The following TENM2 variants were observed in gnomAD, a reference collection of about 807,000 sequenced individuals.
TENM2 encodes teneurin-2.
A neutral mutation model predicts 245.2 loss-of-function variants in TENM2; 52 were observed. The ratio of observed to expected loss-of-function variants is 0.21; its 90% CI spans 0.17 to 0.27. The LOEUF is 0.27. TENM2 is among the 10% of genes least tolerant of loss of function. The pLI is 1.00. For missense variants in TENM2, 3,046 were observed against 3,666.8 expected, an observed-to-expected ratio of 0.83 and a Z score of 4.37; for synonymous variants, 1,363 against 1,438.9, an observed-to-expected ratio of 0.95 and a Z score of 1.19.
intron 5 of TENM2, among the ~76,000 whole-genome samples, chr5:168,039,561 A>G (rs1788001560): frequency 6.6e-6 from 1 of 152,066 alleles, no homozygotes; most frequent in Admixed American, 6.6e-5. Flanking sequence ...AACCAGGAAA[A>G]AAATTGCAGC....
intron 4 of TENM2, among the ~76,000 whole-genome samples, chr5:167,975,706 A>G (rs1782389085): frequency 1.3e-5 from 2 of 152,174 alleles, no homozygotes; most frequent in Admixed American, 1.3e-4. Context: ...CTATTACACA[A>G]ACAAAGAAAT....
intron 2 of TENM2, among the ~76,000 whole-genome samples, chr5:167,862,644 G>A (rs1020136415): frequency 2.0e-5 from 3 of 152,168 alleles, no homozygotes; most frequent in African/African-American, 7.2e-5. Context: ...CCCGGAGAGT[G>A]TCCTAAGTGA....
At chr5:167,476,316 G>T (rs1490914008) in intron 2 of TENM2, among the ~76,000 whole-genome samples, 1 of 152,062 alleles carries the variant, frequency 6.6e-6, no homozygotes, top group Admixed American at 6.6e-5. Context: ...AGTTTCAATG[G>T]TCTTTTTCCT....
At chr5:167,230,867 C>G in the TENM2 span, among the ~76,000 whole-genome samples, 1 of 152,206 alleles carries the variant, frequency 6.6e-6, no homozygotes, top group Non-Finnish European at 1.5e-5. Context: ...ACCCAAATCT[C>G]GTCTTGAATT....
At chr5:167,769,875 G>A (rs1312059632) in intron 2 of TENM2, among the ~76,000 whole-genome samples, 2 of 152,134 alleles carry the variant, frequency 1.3e-5, no homozygotes, top group Admixed American at 6.5e-5. Context: ...GGGATTATTA[G>A]AGCTTGGTGT....
the TENM2 span, among the ~76,000 whole-genome samples, chr5:167,019,751 T>C: frequency 1.3e-5 from 2 of 152,118 alleles, no homozygotes; most frequent in African/African-American, 4.8e-5. Flanking sequence ...ATTACAGACG[T>C]GAGCCACCGT....
intron 2 of TENM2, among the ~76,000 whole-genome samples, chr5:167,381,731 G>A (rs1424060127): frequency 1.3e-5 from 2 of 152,060 alleles, no homozygotes; most frequent in African/African-American, 4.8e-5. Context: ...TATCAACCCT[G>A]ACCTACATAC....
At chr5:166,986,502 A>C in the TENM2 span, among the ~76,000 whole-genome samples, 3 of 152,300 alleles carry the variant, frequency 2.0e-5, no homozygotes, top group African/African-American at 7.2e-5. Context: ...GAAATACGGC[A>C]AGGTTAGATT....
Position 167,474,334 on chromosome 5 carries a change from G to T in TENM2, c.502+98861G>T, listed in dbSNP as rs1195705842. 3.9e-5 allele frequency among the ~76,000 whole-genome samples: 6 copies of T among 151,966 alleles called. No individual in the cohort carries two copies. The East Asian group carries it at 1.2e-3, about 29-fold the overall frequency. ...CGTTTTTACCTAATATAGGTGTTCA[G>T]AGCTTTCATCTTCACCTCAGTCTGA... is the stretch of plus-strand genomic sequence containing the variant. On this transcript the variant is annotated intron_variant, in intron 2 of 28. Transcript: ENST00000518659.
At chr5:168,252,130 C>A (rs1767169258) in intron 27 of TENM2, among the ~76,000 whole-genome samples, 1 of 152,114 alleles carries the variant, frequency 6.6e-6, no homozygotes, top group Admixed American at 6.5e-5. Context: ...GTAATACCAG[C>A]ACTTTGGGAG....
chr5:167,559,417 G>A lies in TENM2; in HGVS notation c.502+183944G>A, dbSNP rs535431568. On this transcript the variant is annotated intron_variant, in intron 2 of 28. Coordinates refer to ENST00000518659, the Ensembl canonical transcript of TENM2. The stretch of plus-strand genomic sequence containing the variant: ...TCATGGTCACTGTGGACTGGGTGAA[G>A]AGGCCACAACCATTAGTGGAGATCA... 1.1e-4 allele frequency among the ~76,000 whole-genome samples: 16 copies of A among 152,298 alleles called. 1 individual carries two copies. In the South Asian group the frequency reaches 2.9e-3, roughly 28 times the overall value.
chr5:167,713,315 T>C (rs78264383), intron 2 of TENM2, among the ~76,000 whole-genome samples: 18 of 151,368 alleles, frequency 1.2e-4, no homozygotes, highest in African/African-American at 3.9e-4. Flanking sequence ...CCTTTTTTAA[T>C]TCCCATCCTG....
At position 168,218,414 on chromosome 5, in the gene TENM2, G is replaced by A. The variant is rs762699522; in HGVS notation, c.4523G>A (p.Gly1508Glu). The change falls in exon 23 of 29, where the codon GGG becomes GAG. Residue 1508 changes from glycine to glutamate, a missense_variant. Transcript: ENST00000518659. The surrounding 1 kb of genome is among the most constrained non-coding windows in gnomAD (Gnocchi z 5.2). Reference sequence around the variant, plus strand: ...CGTCTACGCCAGGTAACAACCAACGGGGAGATCTGCCTTTTAGCTGGGGCA... The same window carrying A: ...CGTCTACGCCAGGTAACAACCAACGAGGAGATCTGCCTTTTAGCTGGGGCA... 2 of 1,613,902 alleles carry A rather than the reference G, an allele frequency of 1.2e-6. No homozygotes were observed. The highest frequency in any genetic ancestry group is 1.3e-5 in the African/African-American group (1 of 74,930).
At chr5:167,595,038 A>G (rs1776110296) in intron 2 of TENM2, among the ~76,000 whole-genome samples, 2 of 152,240 alleles carry the variant, frequency 1.3e-5, no homozygotes, top group Admixed American at 1.3e-4. Context: ...TGATCAGTGC[A>G]AAATCAAGCA....
At chr5:167,073,266 A>G in the TENM2 span, among the ~76,000 whole-genome samples, 3 of 152,078 alleles carry the variant, frequency 2.0e-5, no homozygotes, top group Non-Finnish European at 4.4e-5. Flanking sequence ...TTAATTGCCT[A>G]AGCGGTCTGG....
chr5:167,662,381 T>A (rs1212374787), intron 2 of TENM2, among the ~76,000 whole-genome samples: 1 of 152,206 alleles, frequency 6.6e-6, no homozygotes, highest in African/African-American at 2.4e-5. Context: ...TAATTACTGA[T>A]AACACCCCGT....
chr5:168,055,941 A>G (rs1789507597), intron 6 of TENM2, among the ~76,000 whole-genome samples: 1 of 152,220 alleles, frequency 6.6e-6, no homozygotes, highest in South Asian at 2.1e-4. Context: ...TCTCAATAGG[A>G]TATTCAGCTA....
At chr5:167,321,429 A>G (rs1393713867) in intron 1 of TENM2, among the ~76,000 whole-genome samples, 1 of 152,134 alleles carries the variant, frequency 6.6e-6, no homozygotes. Context: ...GTAATTTTAT[A>G]TGGAGTGGAG....
At chr5:168,204,691 C>T (rs1762215240) in intron 19 of TENM2, 70 bp downstream of exon 21, 1 of 1,562,140 alleles carries the variant, frequency 6.4e-7, no homozygotes, top group South Asian at 1.2e-5. Flanking sequence ...GATCGGGTAA[C>T]TGGGGCTGCA....
Sources: allele counts gnomAD v4.1 joint callset (sites outside exome capture counted in the v4.1 genomes callset), GRCh38; gene constraint gnomAD v4.1.1; non-coding constraint Gnocchi (gnomAD v3.1); transcripts MANE v1.5; gene names NCBI Gene and HGNC (gene_info 2026-07-23, HGNC 2026-07-21).